RFT1: variants seen among roughly 807,000 people sequenced by gnomAD.
RFT1 encodes the protein man(5)GlcNAc(2)-PP-dolichol translocation protein RFT1.
In RFT1, 43 loss-of-function variants were observed where a neutral mutation model predicts 62.2. The ratio of observed to expected loss-of-function variants is 0.69; its 90% CI spans 0.54 to 0.89. The LOEUF (loss-of-function observed/expected upper bound fraction) is 0.89. Ranked by LOEUF, RFT1 falls within the 40% of genes least tolerant of loss-of-function variation. The probability of loss-of-function intolerance (pLI) is 0.00; values close to 1 mark genes in which losing one functional copy is unlikely to be tolerated. For synonymous variants in RFT1, 262 were observed against 264.6 expected (o/e 0.99, Z 0.10); for missense variants, 605 against 649.9 (o/e 0.93, Z 0.75).
intron 5 of RFT1, 89 bp from the exon 6 acceptor site, chr3:53,120,110 C>A: frequency 9.2e-7 from 1 of 1,092,244 alleles, no homozygotes; most frequent in Non-Finnish European, 1.3e-6. Flanking sequence ...TAATAGAACT[C>A]TCTTGATTAA....
At chr3:53,073,200 C>T in the RFT1 span, among the ~76,000 whole-genome samples, 1 of 152,216 alleles carries the variant, frequency 6.6e-6, no homozygotes, top group Non-Finnish European at 1.5e-5. Context: ...GGTGGGGCAC[C>T]GGCCTCTGCC....
chr3:53,123,847 A>G lies in RFT1; in HGVS notation c.150-7T>C, dbSNP rs189282239. On this transcript the variant is annotated splice_region_variant and splice_polypyrimidine_tract_variant and intron_variant, in intron 2 of 12. Coordinates refer to ENST00000296292, the MANE Select transcript of RFT1 (RefSeq NM_052859.4). ...TGAGTAAAGCAGCGTTAGTCTGTAA[A>G]TGAAAGGGAGAAATCAATAAGGTCT... 1.0e-5 allele frequency: 16 copies of G among 1,607,496 alleles called. No individual in the cohort carries two copies. In the African/African-American group the frequency reaches 2.1e-4, roughly 21 times the overall value.
rs368343704 is a variant in RFT1 at position 53,099,500 on chromosome 3, A to T, written c.1103-14T>A. 6.2e-7 allele frequency: 1 copy of T among 1,605,140 alleles called. No individual in the cohort carries two copies. Among genetic ancestry groups the T allele is most frequent in the Non-Finnish European group, 8.5e-7 (1 of 1,172,120 alleles). On this transcript the variant is annotated splice_polypyrimidine_tract_variant and intron_variant, in intron 10 of 12. Coordinates refer to ENST00000296292, the MANE Select transcript of RFT1 (RefSeq NM_052859.4). ...GCAAAACAGGACCTACAAGGAAACA[A>T]CTCACTGAGACTCCAGAGCCCAATC...
intron 10 of RFT1, among the ~76,000 whole-genome samples, chr3:53,102,110 G>T (rs1337799416): frequency 1.3e-5 from 2 of 152,080 alleles, no homozygotes; most frequent in Non-Finnish European, 2.9e-5. Flanking sequence ...CGTGAAGAGC[G>T]CAAGGGGGAT....
chr3:53,121,393 T>A (rs1288021474), intron 5 of RFT1, among the ~76,000 whole-genome samples: 1 of 152,028 alleles, frequency 6.6e-6, no homozygotes, highest in Non-Finnish European at 1.5e-5. Context: ...TACAAGACTA[T>A]CAGATGACCA....
At chr3:53,068,178 T>G in the RFT1 span, among the ~76,000 whole-genome samples, 4 of 152,138 alleles carry the variant, frequency 2.6e-5, no homozygotes, top group Admixed American at 1.3e-4. Context: ...CCCTCACAAC[T>G]GCACCCAATA....
intron 6 of RFT1, among the ~76,000 whole-genome samples, chr3:53,115,332 G>C (rs1028112322): frequency 6.6e-6 from 1 of 152,120 alleles, no homozygotes; most frequent in African/African-American, 2.4e-5. Flanking sequence ...CATGGAGCCA[G>C]TATGAGGACT....
chr3:53,100,733 T>A (rs940902672), intron 10 of RFT1, among the ~76,000 whole-genome samples: 5 of 152,226 alleles, frequency 3.3e-5, no homozygotes, highest in African/African-American at 4.8e-5. Flanking sequence ...TCCATGGTGA[T>A]AGAAATCAGA....
At chr3:53,070,393 G>GGTTTTTTTTTTTTTTTTTTTTTTTT in the RFT1 span, among the ~76,000 whole-genome samples, 1 of 85,448 alleles carries the variant, frequency 1.2e-5, no homozygotes, top group Non-Finnish European at 2.3e-5. Flanking sequence ...CTGTATTATG[G>GGTTTTTTTTTTTTTTTTTTTTTTTT]TTTTTTTTTT....
At chr3:53,103,872 T>C (rs972494532) in intron 10 of RFT1, 81 bp downstream of exon 10, 1 of 1,538,556 alleles carries the variant, frequency 6.5e-7, no homozygotes, top group Non-Finnish European at 9.0e-7. Flanking sequence ...AACAACTGTG[T>C]GTGCACAAGT....
downstream of RFT1, chr3:53,085,781 CAAG>C (rs1559575331): frequency 6.6e-6 from 1 of 152,188 alleles, no homozygotes; most frequent in East Asian, 1.9e-4. Context: ...CCGCGCTTCC[CAAG>C]AAGAATGGAA....
the RFT1 span, among the ~76,000 whole-genome samples, chr3:53,081,152 C>G: frequency 2.6e-5 from 4 of 152,200 alleles, no homozygotes; most frequent in African/African-American, 9.7e-5. Context: ...TCATAAGAAC[C>G]AGCCCAAATG....
intron 1 of RFT1, among the ~76,000 whole-genome samples, chr3:53,128,048 A>C (rs1175663670): frequency 6.6e-6 from 1 of 152,190 alleles, no homozygotes; most frequent in Admixed American, 6.5e-5. Context: ...CTGTAATGCC[A>C]GCACTTCGGG....
At chr3:53,070,629 C>T in the RFT1 span, among the ~76,000 whole-genome samples, 12 of 151,868 alleles carry the variant, frequency 7.9e-5, no homozygotes, top group South Asian at 2.5e-3. Context: ...TCTCGAACTC[C>T]TGACCTCAGG....
At chr3:53,076,299 C>T in the RFT1 span, among the ~76,000 whole-genome samples, 10 of 152,188 alleles carry the variant, frequency 6.6e-5, no homozygotes, top group East Asian at 1.7e-3. Flanking sequence ...CAGGGGCAAA[C>T]GGATAGGTTG....
chr3:53,080,850 T>G, the RFT1 span, among the ~76,000 whole-genome samples: 1 of 152,188 alleles, frequency 6.6e-6, no homozygotes, highest in African/African-American at 2.4e-5. Flanking sequence ...GTCCAGTGAC[T>G]AGGCCTGGGG....
intron 1 of RFT1, among the ~76,000 whole-genome samples, chr3:53,128,247 G>C (rs990246814): frequency 2.0e-5 from 3 of 152,086 alleles, no homozygotes; most frequent in African/African-American, 7.2e-5. Flanking sequence ...GCAGTGAGCC[G>C]AGATAGTGCC....
chr3:53,081,136 A>C, the RFT1 span, among the ~76,000 whole-genome samples: 2 of 152,196 alleles, frequency 1.3e-5, no homozygotes, highest in Admixed American at 1.3e-4. Context: ...AGGGCTCCTG[A>C]GGACATCATA....
chr3:53,092,600 C>T lies in RFT1; in HGVS notation c.1227G>A (p.Leu409=). 6 of 1,611,678 alleles carry T rather than the reference C, an allele frequency of 3.7e-6. No homozygotes were observed. Among genetic ancestry groups the T allele is most frequent in the Non-Finnish European group, 5.1e-6 (6 of 1,179,194 alleles). The change falls in exon 12 of 13, where the codon CTG becomes CTA. Residue 409 remains leucine (L), a synonymous_variant. Transcript: ENST00000296292. Reference sequence around the variant, plus strand: ...ACACCAGGAATGAGGAGGACAGGGCCAGCATCACAAAATTGTACCTGGGGA... The same window carrying T: ...ACACCAGGAATGAGGAGGACAGGGCTAGCATCACAAAATTGTACCTGGGGA... ...EEVDRYNFVM[L]ALSSSFLVLS... is the part of the protein sequence containing the mutation.
Sources: gnomAD v4.1 joint callset for allele counts (sites outside exome capture counted in the v4.1 genomes callset) on GRCh38, gnomAD v4.1.1 for gene constraint, MANE v1.5 for transcripts, NCBI Gene and HGNC (gene_info 2026-07-23, HGNC 2026-07-21) for gene names.